The following ERC1 variants were observed in gnomAD, a reference collection of about 807,000 sequenced individuals.
The protein encoded by ERC1 is ELKS/RAB6-interacting/CAST family member 1.
Under a neutral mutation model 132.0 loss-of-function variants are expected in ERC1, and 56 were observed. The observed-to-expected ratio is 0.42, with a 90% CI of 0.34 to 0.53. ERC1 has a LOEUF of 0.53. Ranked by LOEUF, ERC1 falls within the 20% of genes least tolerant of loss-of-function variation. The probability of loss-of-function intolerance (pLI) is 0.03; values close to 1 mark genes in which losing one functional copy is unlikely to be tolerated. For synonymous variants in ERC1, 478 were observed against 476.1 expected (o/e 1.00, Z -0.05); for missense variants, 1,202 against 1,349.9 (o/e 0.89, Z 1.72).
chr12:1,024,066 A>C (rs974458071), intron 1 of ERC1, among the ~76,000 whole-genome samples: 3 of 152,084 alleles, frequency 2.0e-5, no homozygotes, highest in Non-Finnish European at 4.4e-5. Flanking sequence ...GAGATACGTA[A>C]ATTTGATAGG....
In ERC1 at chr12:1,143,235, G is replaced by A. The variant is rs186235588; in HGVS notation, c.1737+1448G>A. ...TTTAAAAAATAAAAATAAAAAAGAT[G>A]TTGTCCAGGCTGGTCTCAAACTCCT... On this transcript the variant is annotated intron_variant, in intron 8 of 18. Coordinates refer to ENST00000360905, the MANE Select transcript of ERC1 (RefSeq NM_178040.4). Among the ~76,000 whole-genome samples, 564 of 151,962 alleles carry A rather than the reference G, an allele frequency of 3.7e-3. 4 individuals carry two copies. Among genetic ancestry groups the A allele is most frequent in the Admixed American group, 5.1e-3 (78 of 15,250 alleles).
At chr12:1,415,088 T>G (rs1232712848) in intron 17 of ERC1, among the ~76,000 whole-genome samples, 2 of 152,332 alleles carry the variant, frequency 1.3e-5, no homozygotes, top group Non-Finnish European at 2.9e-5. Context: ...CCTCCTGAAA[T>G]TTTACACTGA....
intron 18 of ERC1, among the ~76,000 whole-genome samples, chr12:1,470,185 C>T (rs1345781566): frequency 6.6e-6 from 1 of 151,398 alleles, no homozygotes; most frequent in Non-Finnish European, 1.5e-5. Context: ...TTCTCCCTGT[C>T]ACAGTGGCCC....
chr12:1,191,602 G>A (rs1955740720), intron 12 of ERC1, among the ~76,000 whole-genome samples: 1 of 152,066 alleles, frequency 6.6e-6, no homozygotes, highest in African/African-American at 2.4e-5. Context: ...ATTGATTTTG[G>A]GAGATGGATG....
chr12:1,226,436 C>G (rs61911968), intron 12 of ERC1, among the ~76,000 whole-genome samples: 29,507 of 152,072 alleles, frequency 0.19, 3,410 homozygotes, highest in Non-Finnish European at 0.27. Flanking sequence ...TTGTTAGAAC[C>G]CTTAAGATCT....
intron 16 of ERC1, among the ~76,000 whole-genome samples, chr12:1,389,275 G>A (rs529702780): frequency 3.9e-5 from 6 of 152,222 alleles, no homozygotes; most frequent in Non-Finnish European, 7.3e-5. Flanking sequence ...CCGTTGGCTG[G>A]AGATGCTCCA....
intron 17 of ERC1, among the ~76,000 whole-genome samples, chr12:1,433,887 A>G (rs1247775457): frequency 6.6e-6 from 1 of 151,986 alleles, no homozygotes; most frequent in East Asian, 1.9e-4. Context: ...TGTGCTATCA[A>G]AAGTATACTC....
At chr12:1,323,616 T>C (rs1361091091) in intron 15 of ERC1, among the ~76,000 whole-genome samples, 1 of 152,204 alleles carries the variant, frequency 6.6e-6, no homozygotes, top group Non-Finnish European at 1.5e-5. Flanking sequence ...TTCACTTACA[T>C]ATTACACCTA....
chr12:1,224,361 A>G (rs1594346339), intron 12 of ERC1, among the ~76,000 whole-genome samples: 1 of 152,332 alleles, frequency 6.6e-6, no homozygotes, highest in East Asian at 1.9e-4. Context: ...TTGGTTGCCT[A>G]TCATAGATAA....
At chr12:1,198,381 A>G (rs1162276441) in intron 12 of ERC1, among the ~76,000 whole-genome samples, 1 of 152,238 alleles carries the variant, frequency 6.6e-6, no homozygotes, top group African/African-American at 2.4e-5. Context: ...TCTAGTAGAG[A>G]GATACAGAAT....
At chr12:1,286,030 A>G (rs749617272) in intron 14 of ERC1, among the ~76,000 whole-genome samples, 4 of 152,224 alleles carry the variant, frequency 2.6e-5, no homozygotes, top group Admixed American at 1.3e-4. Flanking sequence ...AATTTTTTGT[A>G]GAGATGGAGT....
At chr12:1,372,323 C>CT (rs1300863556) in intron 16 of ERC1, among the ~76,000 whole-genome samples, 1 of 152,034 alleles carries the variant, frequency 6.6e-6, no homozygotes, top group Non-Finnish European at 1.5e-5. Flanking sequence ...ACAGCAGCCA[C>CT]TAAGGATATT....
At chr12:1,436,011 A>G (rs972538070) in intron 17 of ERC1, among the ~76,000 whole-genome samples, 3 of 152,246 alleles carry the variant, frequency 2.0e-5, no homozygotes, top group Admixed American at 6.5e-5. Flanking sequence ...CTCAGTGGCT[A>G]TAGCCTAGCT....
intron 16 of ERC1, 53 bp from the exon 17 acceptor site, chr12:1,408,096 G>A: frequency 1.6e-6 from 2 of 1,219,986 alleles, no homozygotes; most frequent in East Asian, 4.7e-5. Context: ...TTACTTTACA[G>A]TGTGTCATAG....
chr12:1,132,061 A>G (rs571231406), intron 7 of ERC1, among the ~76,000 whole-genome samples: 4 of 152,296 alleles, frequency 2.6e-5, no homozygotes, highest in Middle Eastern at 3.4e-3. Flanking sequence ...TGTGGTTTGT[A>G]AAATATGGAC....
At chr12:1,047,975 T>A (rs1175462141) in intron 2 of ERC1, among the ~76,000 whole-genome samples, 1 of 152,136 alleles carries the variant, frequency 6.6e-6, no homozygotes, top group African/African-American at 2.4e-5. Context: ...ATTTTTGACT[T>A]GTAGTTCGCT....
intron 14 of ERC1, among the ~76,000 whole-genome samples, chr12:1,279,744 G>A (rs564602071): frequency 4.0e-5 from 6 of 151,138 alleles, no homozygotes; most frequent in East Asian, 1.9e-4. Context: ...GCCGGACTGC[G>A]GACTGCAGTG....
chr12:1,310,694 A>G (rs1046127064), intron 15 of ERC1, among the ~76,000 whole-genome samples: 6 of 152,242 alleles, frequency 3.9e-5, no homozygotes, highest in African/African-American at 1.2e-4. Flanking sequence ...ATCCCTTGCC[A>G]AAGATTTTCC....
At chr12:1,232,226 T>G (rs1220960017) in intron 12 of ERC1, among the ~76,000 whole-genome samples, 1 of 152,210 alleles carries the variant, frequency 6.6e-6, no homozygotes, top group Non-Finnish European at 1.5e-5. Flanking sequence ...GCTTTTCTCC[T>G]GCTGCTTTCA....
Sources: gnomAD v4.1 joint callset for allele counts (sites outside exome capture counted in the v4.1 genomes callset) on GRCh38, gnomAD v4.1.1 for gene constraint, MANE v1.5 for transcripts, NCBI Gene and HGNC (gene_info 2026-07-23, HGNC 2026-07-21) for gene names.